SH3BGR: variants seen among roughly 807,000 people sequenced by gnomAD.
SH3BGR encodes SH3 domain-binding glutamic acid-rich protein.
Under a neutral mutation model 24.5 loss-of-function variants are expected in SH3BGR, and 29 were observed. That is an observed-to-expected ratio of 1.18 (90% CI 0.88 to 1.61). The LOEUF (loss-of-function observed/expected upper bound fraction) is 1.61. SH3BGR is among the 40% of genes most tolerant of loss of function. SH3BGR has a pLI of 0.00. For missense variants in SH3BGR, 162 were observed against 205.8 expected, an observed-to-expected ratio of 0.79 and a Z score of 1.30; for synonymous variants, 55 against 65.7, an observed-to-expected ratio of 0.84 and a Z score of 0.79.
rs118039206 is a variant in SH3BGR, at chr21:39,467,896, C to A, written c.231+5336C>A. ...GAAGATATTATCCTGAGAGCCAGGGCAGACAACTGTTAGATTGAGAAAGGA... is the reference window on the plus strand; with the variant it reads ...GAAGATATTATCCTGAGAGCCAGGGAAGACAACTGTTAGATTGAGAAAGGA... On this transcript the variant is annotated intron_variant, in intron 2 of 6. Coordinates refer to ENST00000333634, the MANE Select transcript of SH3BGR (RefSeq NM_007341.3). Among the ~76,000 whole-genome samples, 1,139 of 152,320 alleles carry A rather than the reference C, an allele frequency of 7.5e-3. 3 individuals are homozygous for A. Among genetic ancestry groups the A allele is most frequent in the Non-Finnish European group, 0.013 (864 of 68,022 alleles).
At chr21:39,482,535 T>C (rs1249401473) in intron 3 of SH3BGR, among the ~76,000 whole-genome samples, 1 of 152,232 alleles carries the variant, frequency 6.6e-6, no homozygotes, top group African/African-American at 2.4e-5. Flanking sequence ...ATGCCCTTGT[T>C]TTTAGAAGAT....
chr21:39,509,053 G>C, intron 5 of SH3BGR, 26 bp downstream of exon 5: 1 of 1,587,396 alleles, frequency 6.3e-7, no homozygotes, highest in Non-Finnish European at 8.6e-7. Flanking sequence ...TTTAACAGCT[G>C]TGCTTAATCT....
chr21:39,479,753 A>G (rs1375802884), intron 3 of SH3BGR, among the ~76,000 whole-genome samples: 2 of 152,072 alleles, frequency 1.3e-5, no homozygotes, highest in Non-Finnish European at 2.9e-5. Flanking sequence ...AACTAAATCT[A>G]CTTCTTCTTT....
At position 39,462,423 on chromosome 21, in the gene SH3BGR, A is replaced by G. The variant is rs749300799; in HGVS notation, c.94A>G (p.Ile32Val). 9 of 1,612,208 alleles carry G rather than the reference A, an allele frequency of 5.6e-6. No homozygotes were observed. In the South Asian group the frequency reaches 8.8e-5, roughly 16 times the overall value. Residue 32 changes from isoleucine (I) to valine (V), a missense_variant, in exon 2 of 7, where the codon ATC (isoleucine) becomes GTC (valine). Transcript: ENST00000333634. ...AGTGGGTTTTTTGGAAGCGAATAAA[A>G]TCGACTTTAAGGAATTAGATATTGC... ...EVVGFLEANKIDFKELDIAGD... is the reference protein window; with the variant it reads ...EVVGFLEANKVDFKELDIAGD...
intron 3 of SH3BGR, among the ~76,000 whole-genome samples, chr21:39,487,518 A>G (rs2078230475): frequency 6.6e-6 from 1 of 152,216 alleles, no homozygotes; most frequent in Admixed American, 6.5e-5. Flanking sequence ...CAAAGCTTAT[A>G]CATCCCAGCG....
intron 3 of SH3BGR, 131 bp downstream of exon 3, chr21:39,475,346 G>T: frequency 1.7e-6 from 1 of 602,808 alleles, no homozygotes; most frequent in Non-Finnish European, 2.9e-6. Context: ...TTCTTATTCT[G>T]ATGCAGTCCT....
chr21:39,483,543 C>T (rs2078163953), intron 3 of SH3BGR, among the ~76,000 whole-genome samples: 1 of 152,224 alleles, frequency 6.6e-6, no homozygotes, highest in Non-Finnish European at 1.5e-5. Context: ...TGGAAAAGAA[C>T]ATATGATTCA....
chr21:39,492,483 C>T (rs112725179), intron 3 of SH3BGR, among the ~76,000 whole-genome samples: 11,163 of 65,144 alleles, frequency 0.17, 1,081 homozygotes, highest in African/African-American at 0.31. Flanking sequence ...TATATATATA[C>T]ACACACACAC....
intron 2 of SH3BGR, among the ~76,000 whole-genome samples, chr21:39,471,614 GTTTGTTTA>G (rs1480086113): frequency 1.3e-5 from 2 of 151,534 alleles, no homozygotes; most frequent in African/African-American, 4.9e-5. Flanking sequence ...TTGTTTGTTT[GTTTGTTTA>G]TTTATTTATT....
chr21:39,449,443 CCTT>C (rs987971905), upstream of SH3BGR, among the ~76,000 whole-genome samples: 1 of 152,134 alleles, frequency 6.6e-6, no homozygotes, highest in Non-Finnish European at 1.5e-5. Context: ...AAATTATACA[CCTT>C]CTTTCTGAAG....
chr21:39,480,723 T>C (rs1002576690), intron 3 of SH3BGR, among the ~76,000 whole-genome samples: 1 of 152,214 alleles, frequency 6.6e-6, no homozygotes, highest in Admixed American at 6.5e-5. Flanking sequence ...TCAGAATCTC[T>C]TGGACAATTT....
chr21:39,447,447 ACT>A (rs2077515015), upstream of SH3BGR, among the ~76,000 whole-genome samples: 1 of 118,340 alleles, frequency 8.5e-6, no homozygotes, highest in African/African-American at 3.4e-5. Context: ...GAGACGTATC[ACT>A]CTATCGCTCA....
chr21:39,475,173 T>A lies in SH3BGR; in HGVS notation c.270T>A (p.Ile90=), dbSNP rs967366392. 2 of 1,612,484 alleles carry A rather than the reference T, an allele frequency of 1.2e-6. No homozygotes were observed. The highest frequency in any genetic ancestry group is 2.2e-5 in the South Asian group (2 of 91,046). Residue 90 remains isoleucine (I), a synonymous_variant, in exon 3 of 7, where the codon ATT becomes ATA. Coordinates refer to ENST00000333634, the MANE Select transcript of SH3BGR (RefSeq NM_007341.3). Reference sequence around the variant, plus strand: ...TCTTCTCTGCAAAAGAAGAGAATATTATTTATTCCTTCCTTGGTTTGGCTC... The same window carrying A: ...TCTTCTCTGCAAAAGAAGAGAATATAATTTATTCCTTCCTTGGTTTGGCTC... ...DSFFSAKEEN[I]IYSFLGLAPP...
intron 2 of SH3BGR, among the ~76,000 whole-genome samples, chr21:39,468,119 T>C (rs1477423546): frequency 7.9e-5 from 12 of 152,178 alleles, no homozygotes; most frequent in Admixed American, 7.9e-4. Context: ...CCTAGATCGT[T>C]CAGCACAGAG....
At chr21:39,487,217 A>G (rs1045675978) in intron 3 of SH3BGR, among the ~76,000 whole-genome samples, 1 of 152,122 alleles carries the variant, frequency 6.6e-6, no homozygotes, top group East Asian at 1.9e-4. Flanking sequence ...ATCACGGCTC[A>G]CTGCAGCCTC....
chr21:39,472,085 A>G (rs533992894), intron 2 of SH3BGR, among the ~76,000 whole-genome samples: 27 of 151,888 alleles, frequency 1.8e-4, no homozygotes, highest in African/African-American at 6.0e-4. Flanking sequence ...TCCCTTATTT[A>G]TATTGTAACT....
Position 39,455,813 on chromosome 21 carries a change from TG to T in SH3BGR, c.45+3675del, listed in dbSNP as rs201765861. Among the ~76,000 whole-genome samples, 136 of 152,332 alleles carry T rather than the reference TG, an allele frequency of 8.9e-4. 1 individual carries two copies. The East Asian group carries it at 0.022, about 24-fold the overall frequency. On this transcript the variant is annotated intron_variant, in intron 1 of 6. Transcript: ENST00000333634. ...CTGAATAGCGTGATAAGCAATGCAC[TG>T]GGCTCTGTTTAAATGACTAGTGTTT... is the stretch of plus-strand genomic sequence containing the variant.
At chr21:39,509,188 G>A (rs1299501311) in intron 5 of SH3BGR, among the ~76,000 whole-genome samples, 161 bp downstream of exon 5, 1 of 152,192 alleles carries the variant, frequency 6.6e-6, no homozygotes, top group Non-Finnish European at 1.5e-5. Context: ...AGGAAAGTAA[G>A]TTGGAGATAA....
upstream of SH3BGR, among the ~76,000 whole-genome samples, chr21:39,448,100 T>C (rs893791488): frequency 7.9e-4 from 121 of 152,318 alleles, 1 homozygote; most frequent in African/African-American, 2.7e-3. Context: ...TGTTCTTCTC[T>C]GTGTCTCCCT....
Sources: gnomAD v4.1 joint callset for allele counts (sites outside exome capture counted in the v4.1 genomes callset) on GRCh38, gnomAD v4.1.1 for gene constraint, MANE v1.5 for transcripts, NCBI Gene and HGNC (gene_info 2026-07-23, HGNC 2026-07-21) for gene names.